PHLPP2: variants seen among roughly 807,000 people sequenced by gnomAD.
The protein encoded by PHLPP2 is PH domain and leucine rich repeat protein phosphatase 2, also known as PH domain leucine-rich repeat-containing protein phosphatase 2.
In PHLPP2, 66 loss-of-function variants were observed where a neutral mutation model predicts 124.9. The observed-to-expected ratio is 0.53, with a 90% CI of 0.43 to 0.65. The LOEUF is 0.65. PHLPP2 is among the 30% of genes least tolerant of loss of function. PHLPP2 has a pLI of 0.00. For missense variants in PHLPP2, 1,685 were observed against 1,600.4 expected, an observed-to-expected ratio of 1.05 and a Z score of -0.90; for synonymous variants, 681 against 624.7, an observed-to-expected ratio of 1.09 and a Z score of -1.34.
At chr16:71,662,984 T>C (rs1331245474) in intron 13 of PHLPP2, among the ~76,000 whole-genome samples, 1 of 152,234 alleles carries the variant, frequency 6.6e-6, no homozygotes. Context: ...CTTATAGGTA[T>C]AGCCTGGCTA....
Position 71,666,352 on chromosome 16 carries a change from C to CA in PHLPP2, c.1784+825dup, listed in dbSNP as rs558768839. 7.9e-5 allele frequency among the ~76,000 whole-genome samples: 12 copies of CA among 152,198 alleles called. No homozygotes were observed. The East Asian group carries it at 2.3e-3, about 29-fold the overall frequency. ...ACAAAACGGTGAAACTGTGTCTCTA[C>CA]AAAAAATAAAATTAGCCAGGTGTGG... On this transcript the variant is annotated intron_variant, in intron 12 of 18. Coordinates refer to ENST00000568954, the MANE Select transcript of PHLPP2 (RefSeq NM_015020.3).
chr16:71,688,153 T>G (rs2045071349), intron 4 of PHLPP2, among the ~76,000 whole-genome samples: 1 of 152,180 alleles, frequency 6.6e-6, no homozygotes, highest in African/African-American at 2.4e-5. Context: ...AAGGTCAAGC[T>G]CTTTAAAAGT....
At chr16:71,720,795 C>T (rs2045393502) in intron 1 of PHLPP2, among the ~76,000 whole-genome samples, 1 of 150,246 alleles carries the variant, frequency 6.7e-6, no homozygotes, top group South Asian at 2.1e-4. Context: ...ACCCGGGAGG[C>T]GGTGAGCCAA....
At position 71,650,040 on chromosome 16, in the gene PHLPP2, T is replaced by G; in HGVS notation, c.2822A>C (p.Asn941Thr). 6.2e-7 allele frequency: 1 copy of G among 1,603,540 alleles called. No individual in the cohort carries two copies. ...KDQKAIITED[N>T]KVNGVTCCTR... ...ACAGCAGGTTACCCCATTCACTTTG[T>G]TGTCCTACAGAAGAGCAGGACACAA... is the stretch of plus-strand genomic sequence containing the variant. The change falls in exon 19 of 19, where the codon AAC (asparagine) becomes ACC (threonine). Residue 941 changes from asparagine (N) to threonine (T), a missense_variant. Coordinates refer to ENST00000568954, the MANE Select transcript of PHLPP2 (RefSeq NM_015020.3).
Position 71,672,265 on chromosome 16 carries a change from G to C in PHLPP2, c.1529C>G (p.Ser510Cys), listed in dbSNP as rs779562290. 1.2e-6 allele frequency: 2 copies of C among 1,611,776 alleles called. No individual in the cohort carries two copies. Among genetic ancestry groups the C allele is most frequent in the Non-Finnish European group, 1.7e-6 (2 of 1,178,096 alleles). The change falls in exon 10 of 19, where the codon TCC (serine) becomes TGC (cysteine). Residue 510 changes from serine to cysteine, a missense_variant. Physicochemically the swap from Ser to Cys is moderately radical, Grantham distance 112 (BLOSUM62 -1). Coordinates refer to ENST00000568954, the MANE Select transcript of PHLPP2 (RefSeq NM_015020.3). ...VPSLLTFLDL[S>C]RNLLECVPDW... ...CACCCTCATGAAAGACACTCACCGGGAGAGATCCAAGAAAGTGAGCAGGCT... is the reference window on the plus strand; with the variant it reads ...CACCCTCATGAAAGACACTCACCGGCAGAGATCCAAGAAAGTGAGCAGGCT...
At chr16:71,715,095 T>C in intron 1 of PHLPP2, 1 of 356,658 alleles carries the variant, frequency 2.8e-6, no homozygotes, top group Non-Finnish European at 5.1e-6. Flanking sequence ...CTCAGGCCTG[T>C]AATCCCAGCA....
intron 2 of PHLPP2, 83 bp from the exon 3 acceptor site, chr16:71,702,814 T>C: frequency 1.0e-6 from 1 of 952,598 alleles, no homozygotes. Flanking sequence ...TTTATTTGTA[T>C]AAATTTCAGG....
intron 3 of PHLPP2, among the ~76,000 whole-genome samples, chr16:71,695,071 C>T (rs768960143): frequency 6.6e-6 from 1 of 152,072 alleles, no homozygotes; most frequent in Non-Finnish European, 1.5e-5. Context: ...AGGCATGAGC[C>T]ACCGTGCCCA....
Position 71,684,583 on chromosome 16 carries a change from G to A in PHLPP2, c.628C>T (p.Arg210Trp), listed in dbSNP as rs570581294. 2.2e-5 allele frequency: 36 copies of A among 1,612,832 alleles called. No homozygotes were observed. The highest frequency in any genetic ancestry group is 1.1e-4 in the East Asian group (5 of 44,864). ...VGGKIEEVKR[R>W]QYSLAFSSAG... ...GAGCTGAAAGCAAGGGAGTATTGCC[G>A]TCGCTTCACTTCTTCTATCTGAAGA... Residue 210 changes from arginine (R) to tryptophan (W), a missense_variant, in exon 5 of 19, where the codon CGG (arginine) becomes TGG (tryptophan). Physicochemically the swap from Arg to Trp is moderately radical, Grantham distance 101. Transcript: ENST00000568954.
rs1260017691 is a variant in PHLPP2 at position 71,679,380 on chromosome 16, G to A, written c.1037+9C>T. 7.4e-6 allele frequency: 12 copies of A among 1,612,336 alleles called. No homozygotes were observed. Among genetic ancestry groups the A allele is most frequent in the Non-Finnish European group, 1.0e-5 (12 of 1,178,588 alleles). On this transcript the variant is annotated intron_variant, in intron 7 of 18. Coordinates refer to ENST00000568954, the MANE Select transcript of PHLPP2 (RefSeq NM_015020.3). ...AAGGGAAAAGAGGAATCTAGTAAAA[G>A]TTACTTACTTTAGCAGATTGCCAAT...
chr16:71,658,116 T>C lies in PHLPP2; in HGVS notation c.2279+117A>G, dbSNP rs550100493. 8.1e-6 allele frequency: 7 copies of C among 864,234 alleles called. No homozygotes were observed. In the Admixed American group the frequency reaches 9.9e-5, roughly 12 times the overall value. 53.5% of individuals were successfully genotyped at this position (864,234 alleles called of 1,614,324 possible). A position where few individuals can be genotyped will look rare whatever the true frequency, so the allele number is the denominator to read the frequency against. ...CAAAGAAGAGAACCTAGGGGCTTTA[T>C]AGCCTAACTTCATTCTGTTCTTTTA... On this transcript the variant is annotated intron_variant, in intron 15 of 18. Coordinates refer to ENST00000568954, the MANE Select transcript of PHLPP2 (RefSeq NM_015020.3).
At chr16:71,720,307 G>A (rs1308901435) in intron 1 of PHLPP2, among the ~76,000 whole-genome samples, 1 of 151,742 alleles carries the variant, frequency 6.6e-6, no homozygotes, top group African/African-American at 2.4e-5. Flanking sequence ...TAGCAGAGAC[G>A]GGGTTTCACT....
intron 10 of PHLPP2, among the ~76,000 whole-genome samples, chr16:71,670,915 G>T (rs1208635842): frequency 6.6e-6 from 1 of 152,080 alleles, no homozygotes; most frequent in African/African-American, 2.4e-5. Flanking sequence ...GAGGGAAATT[G>T]CCCACAATGG....
At chr16:71,682,977 C>A (rs2045017339) in intron 5 of PHLPP2, among the ~76,000 whole-genome samples, 1 of 152,126 alleles carries the variant, frequency 6.6e-6, no homozygotes, top group Admixed American at 6.5e-5. Flanking sequence ...TCGAGACCAG[C>A]CTGGCCAACA....
Position 71,681,749 on chromosome 16 carries a change from A to T in PHLPP2, c.890+2T>A. The T allele has an allele frequency of 6.2e-7, 1 of 1,606,770 alleles. No homozygotes were observed. The highest frequency in any genetic ancestry group is 1.1e-5 in the South Asian group (1 of 89,722). ...TAGTCTGGAAACCCATTCTCCACAT[A>T]CTTGTAGAGTGTATCGAGGCCTCCG... On this transcript the variant is annotated splice_donor_variant, in intron 6 of 18. Coordinates refer to ENST00000568954, the MANE Select transcript of PHLPP2 (RefSeq NM_015020.3). LOFTEE classifies it high-confidence loss of function.
intron 16 of PHLPP2, 64 bp downstream of exon 16, chr16:71,656,507 G>T: frequency 1.1e-6 from 1 of 874,180 alleles, no homozygotes; most frequent in Non-Finnish European, 1.9e-6. Flanking sequence ...TGAGCATCAG[G>T]CCAGTTCTCA....
chr16:71,679,401 C>A lies in PHLPP2; in HGVS notation c.1025G>T (p.Gly342Val), dbSNP rs2044976183. Residue 342 changes from glycine to valine, a missense_variant, in exon 7 of 19, where the codon GGC becomes GTC. By Grantham distance (109) the Gly-to-Val change is moderately radical. Coordinates refer to ENST00000568954, the MANE Select transcript of PHLPP2 (RefSeq NM_015020.3). ...NGFHDLPSQI[G>V]NLLNLQTLCL... ...AAAAGTTACTTACTTTAGCAGATTG[C>A]CAATTTGACTTGGTAGGTCATGAAA... 6.2e-7 allele frequency: 1 copy of A among 1,613,692 alleles called. No individual in the cohort carries two copies. The highest frequency in any genetic ancestry group is 8.5e-7 in the Non-Finnish European group (1 of 1,179,830).
intron 13 of PHLPP2, among the ~76,000 whole-genome samples, chr16:71,661,237 AT>A (rs2044787461): frequency 6.6e-6 from 1 of 151,364 alleles, no homozygotes; most frequent in South Asian, 2.1e-4. Flanking sequence ...CACTCAGCTG[AT>A]TTTTGTATTT....
intron 13 of PHLPP2, among the ~76,000 whole-genome samples, chr16:71,663,119 G>GT (rs1269625436): frequency 1.3e-5 from 2 of 151,904 alleles, no homozygotes; most frequent in Non-Finnish European, 2.9e-5. Flanking sequence ...TATTTACTTA[G>GT]TTATTTTTTT....
Sources: gnomAD v4.1 joint callset for allele counts (sites outside exome capture counted in the v4.1 genomes callset) on GRCh38, gnomAD v4.1.1 for gene constraint, MANE v1.5 for transcripts, NCBI Gene and HGNC (gene_info 2026-07-23, HGNC 2026-07-21) for gene names.